Variants in ADCY8 observed in about 807,000 individuals in gnomAD.
The protein encoded by ADCY8 is adenylate cyclase 8.
A neutral mutation model predicts 119.7 loss-of-function variants in ADCY8; 51 were observed. The ratio of observed to expected loss-of-function variants is 0.43; its 90% CI spans 0.34 to 0.54. ADCY8 has a LOEUF of 0.54. Ranked by LOEUF, ADCY8 falls within the 20% of genes least tolerant of loss-of-function variation. The probability of loss-of-function intolerance (pLI) is 0.03; values close to 1 mark genes in which losing one functional copy is unlikely to be tolerated. For synonymous variants in ADCY8, 665 were observed against 651.0 expected, an observed-to-expected ratio of 1.02 and a Z score of -0.33; for missense variants, 1,383 against 1,598.8, an observed-to-expected ratio of 0.87 and a Z score of 2.30.
chr8:130,870,247 T>G (rs1818304131), intron 8 of ADCY8, among the ~76,000 whole-genome samples: 1 of 151,362 alleles, frequency 6.6e-6, no homozygotes, highest in Non-Finnish European at 1.5e-5. Flanking sequence ...CTCCTGACCT[T>G]GTGATCCGCC....
intron 1 of ADCY8, among the ~76,000 whole-genome samples, chr8:131,020,943 C>A (rs1190453272): frequency 6.6e-6 from 1 of 152,090 alleles, no homozygotes; most frequent in Admixed American, 6.6e-5. Flanking sequence ...TGATCTAGGT[C>A]TTTCTGTTTC....
chr8:130,833,397 A>G (rs1362242530), intron 12 of ADCY8, among the ~76,000 whole-genome samples: 1 of 152,224 alleles, frequency 6.6e-6, no homozygotes, highest in Non-Finnish European at 1.5e-5. Context: ...TGAAGTTTAT[A>G]AAGAACTCTT....
chr8:130,838,107 G>C (rs1004569176), intron 11 of ADCY8, among the ~76,000 whole-genome samples: 1 of 152,212 alleles, frequency 6.6e-6, no homozygotes, highest in Admixed American at 6.5e-5. Context: ...AATTACTGAA[G>C]ATTGTTTACA....
intron 15 of ADCY8, among the ~76,000 whole-genome samples, chr8:130,785,768 T>C (rs1358323411): frequency 6.6e-6 from 1 of 152,210 alleles, no homozygotes; most frequent in East Asian, 1.9e-4. Context: ...CTCCTATGGC[T>C]TTCTGTTTTA....
At chr8:130,782,452 C>T (rs1316129313) in intron 17 of ADCY8, among the ~76,000 whole-genome samples, 1 of 152,020 alleles carries the variant, frequency 6.6e-6, no homozygotes, top group Admixed American at 6.6e-5. Flanking sequence ...TACAGCAGAC[C>T]CAAAACACAA....
intron 12 of ADCY8, among the ~76,000 whole-genome samples, chr8:130,829,456 G>T (rs1004631284): frequency 2.1e-5 from 3 of 141,700 alleles, no homozygotes; most frequent in Non-Finnish European, 3.2e-5. Context: ...GCTTTGAAAA[G>T]AAGTTTATAA....
chr8:130,857,536 T>C (rs1817785780), intron 9 of ADCY8, among the ~76,000 whole-genome samples: 1 of 152,218 alleles, frequency 6.6e-6, no homozygotes, highest in African/African-American at 2.4e-5. Context: ...TACTGGTGTG[T>C]ACTTAGTCAA....
chr8:130,808,357 G>GA (rs57243853), intron 14 of ADCY8, among the ~76,000 whole-genome samples: 2 of 152,250 alleles, frequency 1.3e-5, no homozygotes, highest in East Asian at 3.9e-4. Context: ...GGAAGGAGTA[G>GA]AAAAAATAGC....
intron 1 of ADCY8, among the ~76,000 whole-genome samples, chr8:131,021,946 G>A (rs1823683059): frequency 6.6e-6 from 1 of 152,158 alleles, no homozygotes; most frequent in Non-Finnish European, 1.5e-5. Context: ...ACAATTTAGG[G>A]TAATTCAGAA....
chr8:130,795,094 T>C (rs940340768), intron 15 of ADCY8, among the ~76,000 whole-genome samples: 1 of 152,030 alleles, frequency 6.6e-6, no homozygotes, highest in Non-Finnish European at 1.5e-5. Flanking sequence ...ATACAAAGCA[T>C]AAATTAAACA....
intron 1 of ADCY8, among the ~76,000 whole-genome samples, chr8:131,001,597 A>T (rs187188384): frequency 6.8e-5 from 10 of 147,904 alleles, no homozygotes; most frequent in Admixed American, 1.4e-4. Flanking sequence ...ATATATACAC[A>T]TACTATATAT....
intron 1 of ADCY8, among the ~76,000 whole-genome samples, chr8:131,011,821 G>C (rs1012906170): frequency 2.0e-5 from 3 of 152,110 alleles, no homozygotes; most frequent in Admixed American, 2.0e-4. Context: ...TGATGCCCAG[G>C]TAGAATGCAG....
rs1341954436 is a variant in ADCY8 at position 130,814,210 on chromosome 8, G to T, written c.2772C>A (p.Arg924=). ...CCTGTACTCGCCAAAGGAAGTCCAG[G>T]CGGGCTGTGTACTCCAGCTGCAGTA... ...YHGQQLEYTA[R]LDFLWRVQAK... is the part of the protein sequence containing the mutation. Residue 924 remains arginine, a synonymous_variant, in exon 14 of 18, where the codon CGC becomes CGA. Transcript: ENST00000286355. 1 of 1,613,932 alleles carries T rather than the reference G, an allele frequency of 6.2e-7. No homozygotes were observed. The highest frequency in any genetic ancestry group is 1.7e-5 in the Admixed American group (1 of 59,994).
intron 3 of ADCY8, among the ~76,000 whole-genome samples, chr8:130,948,926 TCCCGAAACC>T (rs1051222361): frequency 2.6e-4 from 40 of 152,080 alleles, no homozygotes; most frequent in Admixed American, 9.8e-4. Context: ...GAGTTCATCT[TCCCGAAACC>T]CCCGGAGCCG....
chr8:131,024,438 G>A (rs1823764931), intron 1 of ADCY8, among the ~76,000 whole-genome samples: 1 of 152,124 alleles, frequency 6.6e-6, no homozygotes, highest in African/African-American at 2.4e-5. Flanking sequence ...GTTCCTTCAG[G>A]CTACCTTATC....
chr8:130,816,082 G>T (rs1816331243), intron 13 of ADCY8, among the ~76,000 whole-genome samples: 1 of 152,170 alleles, frequency 6.6e-6, no homozygotes, highest in African/African-American at 2.4e-5. Flanking sequence ...GGCTTAGACA[G>T]TTCAGATAGC....
intron 10 of ADCY8, among the ~76,000 whole-genome samples, chr8:130,847,786 A>G (rs1817380308): frequency 6.6e-6 from 1 of 152,166 alleles, no homozygotes; most frequent in Non-Finnish European, 1.5e-5. Context: ...TGGCCCCATC[A>G]TTTAAGGTCA....
chr8:130,785,553 G>A, intron 15 of ADCY8, 78 bp from the exon 16 acceptor site: 1 of 994,532 alleles, frequency 1.0e-6, no homozygotes. Flanking sequence ...ACAGGCCCCT[G>A]GCTCACAATG....
chr8:130,803,702 A>G (rs1815853958), intron 14 of ADCY8, among the ~76,000 whole-genome samples: 1 of 152,192 alleles, frequency 6.6e-6, no homozygotes, highest in Non-Finnish European at 1.5e-5. Flanking sequence ...GAGTTAAGTC[A>G]TTGTTTTGGA....
Sources: allele counts gnomAD v4.1 joint callset (sites outside exome capture counted in the v4.1 genomes callset), GRCh38; gene constraint gnomAD v4.1.1; transcripts MANE v1.5; gene names NCBI Gene and HGNC (gene_info 2026-07-23, HGNC 2026-07-21).